VPS35L: variants seen among roughly 807,000 people sequenced by gnomAD.
VPS35L encodes VPS35 endosomal protein sorting factor like, also known as VPS35 endosomal protein-sorting factor-like.
A neutral mutation model predicts 133.0 loss-of-function variants in VPS35L; 83 were observed. The observed-to-expected ratio is 0.62, with a 90% CI of 0.52 to 0.75. The LOEUF is 0.75. Ranked by LOEUF, VPS35L falls within the 30% of genes least tolerant of loss-of-function variation. The probability of loss-of-function intolerance (pLI) is 0.00; values close to 1 mark genes in which losing one functional copy is unlikely to be tolerated. For missense variants in VPS35L, 1,083 were observed against 1,206.8 expected (o/e 0.90, Z 1.52); for synonymous variants, 423 against 449.9 (o/e 0.94, Z 0.76).
chr16:19,693,881 CGAG>C (rs1321801003), intron 29 of VPS35L, among the ~76,000 whole-genome samples: 1 of 145,576 alleles, frequency 6.9e-6, no homozygotes, highest in African/African-American at 2.6e-5. Context: ...GGCGGGAACT[CGAG>C]GCTGCAGTGA....
intron 14 of VPS35L, among the ~76,000 whole-genome samples, chr16:19,620,404 G>A (rs1973039057): frequency 6.6e-6 from 1 of 152,134 alleles, no homozygotes; most frequent in Admixed American, 6.6e-5. Context: ...ACTAGTGTCA[G>A]TTTCCTAGCT....
chr16:19,662,767 C>T (rs758891130), intron 26 of VPS35L, among the ~76,000 whole-genome samples: 32 of 152,264 alleles, frequency 2.1e-4, no homozygotes, highest in Non-Finnish European at 3.7e-4. Context: ...TAAAACCTTC[C>T]GGCCTTCCAA....
chr16:19,668,265 G>C (rs915900414), intron 26 of VPS35L, among the ~76,000 whole-genome samples: 6 of 152,142 alleles, frequency 3.9e-5, no homozygotes, highest in Admixed American at 2.6e-4. Flanking sequence ...ATTTGATCTT[G>C]TCGGGTAGTT....
intron 8 of VPS35L, among the ~76,000 whole-genome samples, chr16:19,593,956 C>G (rs1256921158): frequency 6.6e-6 from 1 of 152,052 alleles, no homozygotes; most frequent in Non-Finnish European, 1.5e-5. Flanking sequence ...AGACCTTGCC[C>G]TTGGTTGGGT....
At position 19,666,900 on chromosome 16, in the gene VPS35L, CT is replaced by C. The variant is rs1567470344; in HGVS notation, c.2222-2257del. Among the ~76,000 whole-genome samples the C allele has an allele frequency of 7.2e-4, 77 of 106,270 alleles. 1 individual carries two copies. Among genetic ancestry groups the C allele is most frequent in the East Asian group, 6.8e-4 (2 of 2,934 alleles). 69.7% of individuals were successfully genotyped at this position (106,270 alleles called of 152,430 possible). ...TCTTTCTTTCTTTCTTTCTTTCTTT[CT>C]TTCTTTCTTTCTTTCTTTCTTTCTT... On this transcript the variant is annotated intron_variant, in intron 26 of 30. Coordinates refer to ENST00000417362, the MANE Select transcript of VPS35L (RefSeq NM_020314.7).
chr16:19,597,947 G>A (rs1972269106), intron 8 of VPS35L, among the ~76,000 whole-genome samples: 1 of 152,158 alleles, frequency 6.6e-6, no homozygotes, highest in Admixed American at 6.5e-5. Flanking sequence ...TTGACAAGAG[G>A]GTCAGAGCAT....
intron 24 of VPS35L, 79 bp from the exon 25 acceptor site, chr16:19,650,303 A>G: frequency 8.7e-7 from 1 of 1,151,548 alleles, no homozygotes; most frequent in South Asian, 1.2e-5. Context: ...TATGTAGTTA[A>G]TGTTGAGATC....
chr16:19,616,087 C>G, intron 12 of VPS35L, 27 bp from the exon 13 acceptor site: 1 of 1,590,386 alleles, frequency 6.3e-7, no homozygotes, highest in Non-Finnish European at 8.6e-7. Flanking sequence ...TTATTTGCAA[C>G]CAGTTTTTCC....
chr16:19,686,516 C>T (rs1975466211), intron 28 of VPS35L, among the ~76,000 whole-genome samples: 1 of 152,060 alleles, frequency 6.6e-6, no homozygotes, highest in South Asian at 2.1e-4. Context: ...TCTGTGAAGC[C>T]AAGGCAGCCC....
In VPS35L at chr16:19,700,693, GTC is replaced by G. The variant is rs1350182229; in HGVS notation, c.*221_*222del. On this transcript the variant is annotated 3_prime_UTR_variant, in exon 31 of 31. Coordinates refer to ENST00000417362, the MANE Select transcript of VPS35L (RefSeq NM_020314.7). ...AAAATGCAATCTTCACTAAGAAGCA[GTC>G]TCTGTGTTGTCTTTGCACAAGTGGC... 5.6e-6 allele frequency: 3 copies of G among 537,956 alleles called. No individual in the cohort carries two copies. Among genetic ancestry groups the G allele is most frequent in the Admixed American group, 3.1e-5 (1 of 31,842 alleles). The allele number at this position is 537,956 out of a possible 1,614,324, so 33.3% of individuals were successfully genotyped here. A position where few individuals can be genotyped will look rare whatever the true frequency, so the allele number is the denominator to read the frequency against.
intron 28 of VPS35L, among the ~76,000 whole-genome samples, chr16:19,688,111 G>C (rs1414506491): frequency 6.6e-6 from 1 of 151,050 alleles, no homozygotes; most frequent in Non-Finnish European, 1.5e-5. Flanking sequence ...ATTTTTATTA[G>C]AGACAGGGTT....
chr16:19,700,858 A>C lies in VPS35L; in HGVS notation c.*382A>C. On this transcript the variant is annotated 3_prime_UTR_variant, in exon 31 of 31. Transcript: ENST00000417362. ...GGACTTTAAAAGTGGACTGCTTTTC[A>C]AAGTGCCACTGTTCCAGACCCATTC... 5.0e-6 allele frequency: 1 copy of C among 198,572 alleles called. No individual in the cohort carries two copies. The highest frequency in any genetic ancestry group is 1.0e-5 in the Non-Finnish European group (1 of 96,176). 12.3% of individuals were successfully genotyped at this position (198,572 alleles called of 1,614,324 possible). A position where few individuals can be genotyped will look rare whatever the true frequency, so the allele number is the denominator to read the frequency against.
chr16:19,640,024 C>T lies in VPS35L; in HGVS notation c.1708C>T (p.Leu570=). The T allele has an allele frequency of 6.2e-7, 1 of 1,614,086 alleles. No individual in the cohort carries two copies. Among genetic ancestry groups the T allele is most frequent in the African/African-American group, 1.3e-5 (1 of 75,044 alleles). Residue 570 remains leucine (L), a synonymous_variant, in exon 21 of 31, where the codon CTG becomes TTG. Coordinates refer to ENST00000417362, the MANE Select transcript of VPS35L (RefSeq NM_020314.7). The part of the protein sequence containing the change: ...FSVLFSVEKF[L]PFLDMFQKES... ...CTTGCTTTATTTATAGGAAAAATTT[C>T]TGCCGTTTCTGGACATGTTCCAAAA... is the stretch of plus-strand genomic sequence containing the variant.
chr16:19,563,024 C>T (rs1971075737), intron 1 of VPS35L, among the ~76,000 whole-genome samples: 1 of 152,042 alleles, frequency 6.6e-6, no homozygotes, highest in Non-Finnish European at 1.5e-5. Context: ...CTGTACCTCC[C>T]AAAGTGCTGG....
chr16:19,578,832 T>G (rs986670276), intron 5 of VPS35L: 8 of 572,940 alleles, frequency 1.4e-5, no homozygotes, highest in African/African-American at 1.3e-4. Context: ...TCTTTGAGGC[T>G]GGCCCACTGG....
intron 14 of VPS35L, chr16:19,617,252 G>A: frequency 3.1e-6 from 1 of 326,708 alleles, no homozygotes; most frequent in Non-Finnish European, 5.7e-6. Flanking sequence ...CAGCTACTCA[G>A]GAGGCTGAGG....
At chr16:19,601,153 T>C (rs1972370251) in intron 8 of VPS35L, among the ~76,000 whole-genome samples, 1 of 152,208 alleles carries the variant, frequency 6.6e-6, no homozygotes, top group South Asian at 2.1e-4. Flanking sequence ...GCTCTTGAAC[T>C]CCTGGGCTCA....
chr16:19,609,108 C>A (rs1972627307), intron 11 of VPS35L, 87 bp downstream of exon 11: 1 of 1,124,850 alleles, frequency 8.9e-7, no homozygotes, highest in Non-Finnish European at 1.3e-6. Context: ...GTAATAGTAG[C>A]CATTATTCAC....
intron 21 of VPS35L, among the ~76,000 whole-genome samples, chr16:19,640,568 A>G (rs1183680147): frequency 6.6e-6 from 1 of 152,254 alleles, no homozygotes; most frequent in Admixed American, 6.5e-5. Flanking sequence ...TTTCATCTTC[A>G]GTGTTTAGTT....
Sources: allele counts gnomAD v4.1 joint callset (sites outside exome capture counted in the v4.1 genomes callset), GRCh38; gene constraint gnomAD v4.1.1; transcripts MANE v1.5; gene names NCBI Gene and HGNC (gene_info 2026-07-23, HGNC 2026-07-21).